The following PNO1 variants were observed in gnomAD, a reference collection of about 807,000 sequenced individuals.
The protein encoded by PNO1 is RNA-binding protein PNO1.
Under a neutral mutation model 28.4 loss-of-function variants are expected in PNO1, and 16 were observed. The observed-to-expected ratio is 0.56, with a 90% CI of 0.38 to 0.85. The LOEUF (loss-of-function observed/expected upper bound fraction) is 0.85. PNO1 is among the 40% of genes least tolerant of loss of function. The pLI is 0.00. For synonymous variants in PNO1, 115 were observed against 110.8 expected (o/e 1.04, Z -0.24); for missense variants, 304 against 312.2 (o/e 0.97, Z 0.20).
chr2:68,174,581 A>G (rs918656090), intron 6 of PNO1, among the ~76,000 whole-genome samples, 154 bp from the exon 7 acceptor site: 1 of 152,070 alleles, frequency 6.6e-6, no homozygotes, highest in Non-Finnish European at 1.5e-5. Context: ...GTGGGTAGTT[A>G]ATGTGCATAT....
intron 2 of PNO1, chr2:68,161,460 C>T (rs1025061423): frequency 7.6e-6 from 4 of 527,782 alleles, no homozygotes; most frequent in African/African-American, 3.8e-5. Context: ...TTATTTGACA[C>T]TCTTTGGGTG....
chr2:68,162,761 GC>G lies in PNO1; in HGVS notation c.620+99del, dbSNP rs1673869716. 3 of 809,480 alleles carry G rather than the reference GC, an allele frequency of 3.7e-6. No homozygotes were observed. In the South Asian group the frequency reaches 4.5e-5, roughly 12 times the overall value. The allele number at this position is 809,480 out of a possible 1,614,324, so 50.1% of individuals were successfully genotyped here. A position where few individuals can be genotyped will look rare whatever the true frequency, so the allele number is the denominator to read the frequency against. On this transcript the variant is annotated intron_variant, in intron 5 of 6. Transcript: ENST00000263657. ...GTTGTATTTTATGCATAATGTTGCTGCTAAATCTTTGTCAGTGCAGATGCTC... is the reference window on the plus strand; with the variant it reads ...GTTGTATTTTATGCATAATGTTGCTGTAAATCTTTGTCAGTGCAGATGCTC...
rs1196275158 is a variant in PNO1, at chr2:68,157,927, T to G, written c.-8T>G. On this transcript the variant is annotated 5_prime_UTR_variant, in exon 1 of 7. It adds an upstream start codon to the 5' untranslated region. Coordinates refer to ENST00000263657, the MANE Select transcript of PNO1 (RefSeq NM_020143.4). ...GTTTCAGCCGGCAGCGCTTTAAGAT[T>G]TCCGGGGATGGAATCCGAAATGGAA... 6.2e-7 allele frequency: 1 copy of G among 1,613,486 alleles called. No individual in the cohort carries two copies. Among genetic ancestry groups the G allele is most frequent in the East Asian group, 2.2e-5 (1 of 44,880 alleles).
intron 5 of PNO1, among the ~76,000 whole-genome samples, chr2:68,169,112 G>A (rs564481578): frequency 4.6e-5 from 7 of 151,922 alleles, no homozygotes; most frequent in Non-Finnish European, 1.0e-4. Flanking sequence ...TGTATTTTTA[G>A]TAGAGATGGG....
In PNO1 at chr2:68,158,623, T is replaced by A. The variant is rs1401495063; in HGVS notation, c.357+94T>A. 6.2e-6 allele frequency: 7 copies of A among 1,126,174 alleles called. No homozygotes were observed. In the East Asian group the frequency reaches 1.8e-4, roughly 29 times the overall value. 69.8% of individuals were successfully genotyped at this position (1,126,174 alleles called of 1,614,324 possible). On this transcript the variant is annotated intron_variant, in intron 2 of 6. Coordinates refer to ENST00000263657, the MANE Select transcript of PNO1 (RefSeq NM_020143.4). ...TAGGCTTTACTTAATGGGACTTTTC[T>A]GTTGTATGGTTTTTGTCCAGTTTAA...
rs2103698586 is a variant in PNO1 at position 68,175,081 on chromosome 2, G to A, written c.*279G>A. 7.0e-6 allele frequency: 2 copies of A among 286,716 alleles called. No individual in the cohort carries two copies. Among genetic ancestry groups the A allele is most frequent in the Non-Finnish European group, 1.3e-5 (2 of 154,226 alleles). The allele number at this position is 286,716 out of a possible 1,614,324, so 17.8% of individuals were successfully genotyped here. A position where few individuals can be genotyped will look rare whatever the true frequency, so the allele number is the denominator to read the frequency against. On this transcript the variant is annotated 3_prime_UTR_variant, in exon 7 of 7. Coordinates refer to ENST00000263657, the MANE Select transcript of PNO1 (RefSeq NM_020143.4). ...TCACATGTAGCAGATTGCATAGTCT[G>A]TAATCCTCTCAGAGGGAAACTTCTT...
chr2:68,162,093 CACGCCACTGCACTCCAGCCTGGGCG>C (rs1673845702), intron 3 of PNO1, among the ~76,000 whole-genome samples, 147 bp from the exon 4 acceptor site: 1 of 151,780 alleles, frequency 6.6e-6, no homozygotes, highest in African/African-American at 2.4e-5. Flanking sequence ...GAGCCAAGAT[CACGCCACTGCACTCCAGCCTGGGCG>C]ACAGCGTAAG....
Position 68,169,544 on chromosome 2 carries a change from TGTC to T in PNO1, c.621-3800_621-3798del, listed in dbSNP as rs1022372224. Among the ~76,000 whole-genome samples the T allele has an allele frequency of 2.6e-5, 4 of 152,226 alleles. No individual in the cohort carries two copies. The East Asian group carries it at 5.8e-4, about 22-fold the overall frequency. On this transcript the variant is annotated intron_variant, in intron 5 of 6. Transcript: ENST00000263657. ...GAGCAATAGGTGGTGGCTGTGAAGT[TGTC>T]GTACAGTATGCACTACAGTTAATTT...
chr2:68,169,875 G>A (rs1171469767), intron 5 of PNO1, among the ~76,000 whole-genome samples: 10 of 152,100 alleles, frequency 6.6e-5, no homozygotes, highest in African/African-American at 2.4e-4. Context: ...GTGTGTAACT[G>A]GACCTGTGCA....
At chr2:68,164,793 T>C (rs575756059) in intron 5 of PNO1, among the ~76,000 whole-genome samples, 1 of 152,190 alleles carries the variant, frequency 6.6e-6, no homozygotes, top group Non-Finnish European at 1.5e-5. Context: ...TGAAACCTTG[T>C]ATCCAAAAAA....
chr2:68,163,805 G>T (rs543009084), intron 5 of PNO1, among the ~76,000 whole-genome samples: 75 of 152,308 alleles, frequency 4.9e-4, no homozygotes, highest in African/African-American at 1.4e-3. Flanking sequence ...GGTGCCAGAA[G>T]TGAAGCTGGG....
At position 68,158,375 on chromosome 2, in the gene PNO1, T is replaced by C. The variant is rs1158853411; in HGVS notation, c.208-5T>C. ...CTTCTGAGTTGTGTGTTCTTTTATT[T>C]ACAGAGTGGGAAAGAAGAAACAAGG... On this transcript the variant is annotated splice_region_variant and splice_polypyrimidine_tract_variant and intron_variant, in intron 1 of 6. Transcript: ENST00000263657. 6.2e-7 allele frequency: 1 copy of C among 1,606,688 alleles called. No individual in the cohort carries two copies. The highest frequency in any genetic ancestry group is 2.2e-5 in the East Asian group (1 of 44,854).
At chr2:68,158,234 C>G (rs530219244) in intron 1 of PNO1, 93 bp downstream of exon 1, 63 of 1,408,122 alleles carry the variant, frequency 4.5e-5, no homozygotes, top group Non-Finnish European at 5.5e-5. Context: ...TGCGGTGGGG[C>G]TGTTCTGCCG....
intron 5 of PNO1, among the ~76,000 whole-genome samples, chr2:68,168,921 C>CTTTTTT (rs57701897): frequency 0.014 from 982 of 72,188 alleles, no homozygotes; most frequent in East Asian, 0.022. Context: ...CAGCTTTTTT[C>CTTTTTT]TTTTTTTTTT....
intron 2 of PNO1, chr2:68,161,318 GAGAGA>G (rs1439029887): frequency 6.3e-6 from 3 of 474,538 alleles, no homozygotes; most frequent in Non-Finnish European, 1.3e-5. Flanking sequence ...ACTGCCTTGA[GAGAGA>G]AGAGAAGAGG....
At chr2:68,167,685 T>G (rs977766028) in intron 5 of PNO1, among the ~76,000 whole-genome samples, 1 of 152,204 alleles carries the variant, frequency 6.6e-6, no homozygotes, top group East Asian at 1.9e-4. Context: ...CAGGCAGATA[T>G]TATTTCTCCT....
At chr2:68,171,550 T>C (rs948192309) in intron 5 of PNO1, among the ~76,000 whole-genome samples, 5 of 152,226 alleles carry the variant, frequency 3.3e-5, no homozygotes, top group African/African-American at 7.2e-5. Flanking sequence ...TTTCCTGTCA[T>C]TTTAGTGGAG....
intron 5 of PNO1, chr2:68,172,981 T>C (rs1674169186): frequency 5.7e-6 from 1 of 176,556 alleles, no homozygotes; most frequent in Non-Finnish European, 1.2e-5. Context: ...TGTGCAGCCA[T>C]AACCACTGCC....
rs575441067 is a variant in PNO1 at position 68,172,768 on chromosome 2, T to C, written c.621-579T>C. On this transcript the variant is annotated intron_variant, in intron 5 of 6. Transcript: ENST00000263657. ...CCTCATCCGTAAAACAGGAAGGTCA[T>C]GTGAGGATTAATGAGGGCATGCATA... Among the ~76,000 whole-genome samples the C allele has an allele frequency of 7.2e-5, 11 of 152,338 alleles. No individual in the cohort carries two copies. In the South Asian group the frequency reaches 2.3e-3, roughly 32 times the overall value.
Sources: gnomAD v4.1 joint callset for allele counts (sites outside exome capture counted in the v4.1 genomes callset) on GRCh38, gnomAD v4.1.1 for gene constraint, MANE v1.5 for transcripts, NCBI Gene and HGNC (gene_info 2026-07-23, HGNC 2026-07-21) for gene names.